Variants in GALNT13 observed in about 807,000 individuals in gnomAD.
The protein encoded by GALNT13 is polypeptide N-acetylgalactosaminyltransferase 13.
Under a neutral mutation model 64.2 loss-of-function variants are expected in GALNT13, and 28 were observed. That is an observed-to-expected ratio of 0.44 (90% CI 0.32 to 0.60). The LOEUF is 0.60. Ranked by LOEUF, GALNT13 falls within the 20% of genes least tolerant of loss-of-function variation. GALNT13 has a pLI of 0.05. For synonymous variants in GALNT13, 214 were observed against 224.6 expected (o/e 0.95, Z 0.42); for missense variants, 577 against 669.8 (o/e 0.86, Z 1.53).
At chr2:153,370,720 T>C in the GALNT13 span, 80,489 of 152,062 alleles carry the variant, frequency 0.53, 21,991 homozygotes, top group Non-Finnish European at 0.6. Context: ...CACAGATCCA[T>C]ATGTCACCCA....
chr2:153,642,509 T>A, the GALNT13 span, among the ~76,000 whole-genome samples: 1 of 151,984 alleles, frequency 6.6e-6, no homozygotes, highest in African/African-American at 2.4e-5. Context: ...AAGAAAGGTA[T>A]AATTATCCAA....
chr2:153,721,127 A>G, the GALNT13 span, among the ~76,000 whole-genome samples: 1 of 147,208 alleles, frequency 6.8e-6, no homozygotes, highest in Non-Finnish European at 1.5e-5. Flanking sequence ...CAGAAACCCT[A>G]CAAGCCAGAA....
chr2:154,001,275 C>T (rs1215292631), intron 3 of GALNT13, among the ~76,000 whole-genome samples: 1 of 151,788 alleles, frequency 6.6e-6, no homozygotes, highest in African/African-American at 2.4e-5. Flanking sequence ...CAATTTAATT[C>T]ATTTATATTC....
the GALNT13 span, among the ~76,000 whole-genome samples, chr2:153,597,942 C>A: frequency 1.3e-5 from 2 of 151,984 alleles, no homozygotes; most frequent in African/African-American, 4.8e-5. Flanking sequence ...CAAGCATTGG[C>A]AAGGCTGTGG....
chr2:154,067,018 A>T (rs67967480), intron 3 of GALNT13, among the ~76,000 whole-genome samples: 28,364 of 152,072 alleles, frequency 0.19, 3,368 homozygotes, highest in Non-Finnish European at 0.26. Flanking sequence ...TGTTTTTATT[A>T]GTTATTGCTT....
intron 3 of GALNT13, among the ~76,000 whole-genome samples, chr2:153,991,165 A>G (rs749329793): frequency 1.3e-5 from 2 of 152,196 alleles, no homozygotes; most frequent in African/African-American, 2.4e-5. Context: ...ATTGAAGCCT[A>G]ACTGGGAGAA....
the GALNT13 span, among the ~76,000 whole-genome samples, chr2:153,473,822 G>A: frequency 6.6e-6 from 1 of 152,152 alleles, no homozygotes. Flanking sequence ...AAATGCTTTA[G>A]GGAGAAAAAG....
chr2:153,762,576 T>C, the GALNT13 span: 1 of 182,570 alleles, frequency 5.5e-6, no homozygotes. Context: ...CCTATAAGCC[T>C]TTTTCAGTTC....
chr2:153,848,822 A>G, the GALNT13 span, among the ~76,000 whole-genome samples: 1 of 151,816 alleles, frequency 6.6e-6, no homozygotes, highest in Middle Eastern at 4.5e-3. Context: ...TTCAATATTG[A>G]AAACCTTTCC....
chr2:154,033,950 C>A (rs1013043186), intron 3 of GALNT13, among the ~76,000 whole-genome samples: 1 of 151,862 alleles, frequency 6.6e-6, no homozygotes, highest in Non-Finnish European at 1.5e-5. Context: ...AAAAAACAAG[C>A]AAACAAACAA....
chr2:153,641,308 A>G, the GALNT13 span, among the ~76,000 whole-genome samples: 1 of 152,166 alleles, frequency 6.6e-6, no homozygotes, highest in African/African-American at 2.4e-5. Context: ...CGTTAGAAAT[A>G]TTTCTTAAGT....
intron 3 of GALNT13, among the ~76,000 whole-genome samples, chr2:154,050,698 C>T (rs988678515): frequency 6.6e-6 from 1 of 151,902 alleles, no homozygotes; most frequent in East Asian, 1.9e-4. Flanking sequence ...TGTTTTTGCC[C>T]GGTTTTAACA....
At chr2:153,484,909 C>T in the GALNT13 span, among the ~76,000 whole-genome samples, 1 of 152,198 alleles carries the variant, frequency 6.6e-6, no homozygotes, top group Non-Finnish European at 1.5e-5. Context: ...CTTCCTGGGT[C>T]TATCTACTGA....
the GALNT13 span, among the ~76,000 whole-genome samples, chr2:153,736,682 T>C: frequency 1.3e-5 from 2 of 152,198 alleles, no homozygotes; most frequent in Non-Finnish European, 2.9e-5. Context: ...GTTAAAACTT[T>C]AGGTTCACAC....
the GALNT13 span, among the ~76,000 whole-genome samples, chr2:153,778,470 C>G: frequency 6.6e-6 from 1 of 152,156 alleles, no homozygotes; most frequent in African/African-American, 2.4e-5. Flanking sequence ...CCTTCCCTTC[C>G]CAGAACTTCT....
rs528157031 is a variant in GALNT13, at chr2:154,148,916, A to G, written c.311+8411A>G. Among the ~76,000 whole-genome samples, 1,071 of 152,176 alleles carry G rather than the reference A, an allele frequency of 7.0e-3. 13 individuals carry two copies. The highest frequency in any genetic ancestry group is 0.025 in the African/African-American group (1,033 of 41,510). ...GATGGTAGTTTCTTTTGCTGTGCAG[A>G]AGCTCTTGAGTTTAATTAGATACCA... On this transcript the variant is annotated intron_variant, in intron 4 of 12. Transcript: ENST00000392825.
At chr2:153,245,157 A>G in the GALNT13 span, among the ~76,000 whole-genome samples, 3 of 152,268 alleles carry the variant, frequency 2.0e-5, no homozygotes, top group African/African-American at 7.2e-5. Flanking sequence ...TTCCTGGGAC[A>G]GGGAACCTGG....
the GALNT13 span, among the ~76,000 whole-genome samples, chr2:153,173,777 C>T: frequency 6.6e-6 from 1 of 152,148 alleles, no homozygotes; most frequent in Non-Finnish European, 1.5e-5. Context: ...ACTATCAAAT[C>T]AAAGTCTCAA....
At chr2:153,782,857 G>A in the GALNT13 span, among the ~76,000 whole-genome samples, 5 of 152,200 alleles carry the variant, frequency 3.3e-5, no homozygotes, top group African/African-American at 4.8e-5. Context: ...AGCAACCCAC[G>A]CAGACTAAAA....
Sources: gnomAD v4.1 joint callset for allele counts (sites outside exome capture counted in the v4.1 genomes callset) on GRCh38, gnomAD v4.1.1 for gene constraint, MANE v1.5 for transcripts, NCBI Gene and HGNC (gene_info 2026-07-23, HGNC 2026-07-21) for gene names.